ZFPM2: variants seen among roughly 807,000 people sequenced by gnomAD.
ZFPM2 encodes the protein zinc finger protein ZFPM2.
Under a neutral mutation model 98.6 loss-of-function variants are expected in ZFPM2, and 20 were observed. The ratio of observed to expected loss-of-function variants is 0.20; its 90% CI spans 0.14 to 0.29. ZFPM2 has a LOEUF of 0.29. ZFPM2 is among the 10% of genes least tolerant of loss of function. The pLI, the probability that ZFPM2 is intolerant of heterozygous loss-of-function variation, is 1.00. For missense variants in ZFPM2, 1,310 were observed against 1,388.6 expected (o/e 0.94, Z 0.90); for synonymous variants, 518 against 502.7 (o/e 1.03, Z -0.41).
rs1346572505 is a variant in ZFPM2, at chr8:105,530,672, C to T, written c.302-30691C>T. 5.3e-5 allele frequency among the ~76,000 whole-genome samples: 8 copies of T among 152,148 alleles called. No individual in the cohort carries two copies. The Middle Eastern group carries it at 9.5e-3, about 181-fold the overall frequency. On this transcript the variant is annotated intron_variant, in intron 3 of 7. Transcript: ENST00000407775. ...ACAAATCTTATTGGATTAGGGTCTA[C>T]CCTTATGACCTCATTTAACCTTATT...
chr8:105,488,888 T>G (rs1813292119), intron 3 of ZFPM2, among the ~76,000 whole-genome samples: 1 of 152,212 alleles, frequency 6.6e-6, no homozygotes, highest in African/African-American at 2.4e-5. Context: ...AGCCATTTTC[T>G]CTCTTAAGGA....
At chr8:105,392,498 C>G (rs529221974) in intron 1 of ZFPM2, among the ~76,000 whole-genome samples, 1 of 152,142 alleles carries the variant, frequency 6.6e-6, no homozygotes. Flanking sequence ...TGTCACCTTC[C>G]TTTGTCTAGT....
chr8:105,674,487 T>C (rs1817651907), intron 5 of ZFPM2, among the ~76,000 whole-genome samples: 1 of 152,194 alleles, frequency 6.6e-6, no homozygotes, highest in African/African-American at 2.4e-5. Flanking sequence ...CAAGTCTTGT[T>C]TTTAGTGGTA....
At chr8:105,404,697 C>A (rs900728174) in intron 1 of ZFPM2, among the ~76,000 whole-genome samples, 3 of 152,038 alleles carry the variant, frequency 2.0e-5, no homozygotes, top group Non-Finnish European at 4.4e-5. Flanking sequence ...TTATTCTCCA[C>A]TTCACATATT....
chr8:105,462,527 T>A (rs1275132928), intron 3 of ZFPM2, among the ~76,000 whole-genome samples: 1 of 152,158 alleles, frequency 6.6e-6, no homozygotes, highest in Admixed American at 6.6e-5. Context: ...CAAATTCTGC[T>A]GCTCCATTCC....
intron 5 of ZFPM2, chr8:105,678,488 T>C (rs1250832903): frequency 6.6e-6 from 1 of 152,206 alleles, no homozygotes; most frequent in Non-Finnish European, 1.5e-5. Context: ...AGAAATGGCC[T>C]TTATGCCTCC....
intron 5 of ZFPM2, among the ~76,000 whole-genome samples, chr8:105,686,541 A>G (rs1288732298): frequency 1.3e-5 from 2 of 152,138 alleles, no homozygotes; most frequent in Non-Finnish European, 2.9e-5. Context: ...TGTTTGAAAC[A>G]TATGTAGGAA....
intron 1 of ZFPM2, among the ~76,000 whole-genome samples, chr8:105,356,196 T>C (rs1382579802): frequency 6.6e-6 from 1 of 152,238 alleles, no homozygotes. Flanking sequence ...GCAGTTTTGT[T>C]ATTGTTCGAG....
intron 5 of ZFPM2, among the ~76,000 whole-genome samples, chr8:105,715,493 T>G (rs993150763): frequency 1.3e-5 from 2 of 151,936 alleles, no homozygotes; most frequent in African/African-American, 4.8e-5. Context: ...CTATATGGAT[T>G]TTAATATTGT....
rs568201027 is a variant in ZFPM2 at position 105,419,999 on chromosome 8, T to C, written c.199+697T>C. 1.3e-4 allele frequency among the ~76,000 whole-genome samples: 20 copies of C among 152,210 alleles called. No homozygotes were observed. The South Asian group carries it at 2.9e-3, about 22-fold the overall frequency. The stretch of plus-strand genomic sequence containing the variant: ...AGTTTAAGGTTCCTCATGATTCTTA[T>C]ATATTTATTTTTATCAGATTGTTTT... On this transcript the variant is annotated intron_variant, in intron 2 of 7. Coordinates refer to ENST00000407775, the MANE Select transcript of ZFPM2 (RefSeq NM_012082.4).
At chr8:105,751,948 C>T (rs911773938) in intron 5 of ZFPM2, among the ~76,000 whole-genome samples, 2 of 152,036 alleles carry the variant, frequency 1.3e-5, no homozygotes, top group Non-Finnish European at 2.9e-5. Context: ...TAGCATTAGT[C>T]GAATCCATAT....
chr8:105,700,832 G>A (rs768473477), intron 5 of ZFPM2, among the ~76,000 whole-genome samples: 1 of 152,156 alleles, frequency 6.6e-6, no homozygotes, highest in Non-Finnish European at 1.5e-5. Flanking sequence ...CTGACCTCAT[G>A]ATCCAGCCAC....
intron 5 of ZFPM2, among the ~76,000 whole-genome samples, chr8:105,649,829 G>T (rs576788155): frequency 6.6e-6 from 1 of 152,248 alleles, no homozygotes; most frequent in East Asian, 1.9e-4. Flanking sequence ...CAAGGATATT[G>T]GTCTAAAATT....
chr8:105,384,931 C>G (rs939316333), intron 1 of ZFPM2, among the ~76,000 whole-genome samples: 1 of 152,120 alleles, frequency 6.6e-6, no homozygotes, highest in African/African-American at 2.4e-5. Flanking sequence ...CTACCCTAAG[C>G]ACTTTATGTG....
intron 6 of ZFPM2, among the ~76,000 whole-genome samples, chr8:105,791,510 T>A (rs1386105160): frequency 6.6e-6 from 1 of 151,888 alleles, no homozygotes; most frequent in Non-Finnish European, 1.5e-5. Context: ...TATTGAGGAT[T>A]TTTGCATCAA....
chr8:105,542,047 C>A (rs750466111), intron 3 of ZFPM2, among the ~76,000 whole-genome samples: 10 of 151,998 alleles, frequency 6.6e-5, no homozygotes, highest in Non-Finnish European at 1.0e-4. Flanking sequence ...ATTACTTTTT[C>A]AGGCTCAGCA....
intron 3 of ZFPM2, among the ~76,000 whole-genome samples, chr8:105,483,067 C>T (rs1418891215): frequency 2.5e-5 from 3 of 122,428 alleles, no homozygotes; most frequent in Non-Finnish European, 3.3e-5. Context: ...TGCTATGTTG[C>T]CCAGGCTGGT....
chr8:105,790,913 A>G (rs976968319), intron 6 of ZFPM2, among the ~76,000 whole-genome samples: 10 of 152,146 alleles, frequency 6.6e-5, no homozygotes, highest in Non-Finnish European at 1.3e-4. Flanking sequence ...GTGTATAAGA[A>G]TGCTTGTGAT....
chr8:105,487,611 G>T (rs150753954), intron 3 of ZFPM2, among the ~76,000 whole-genome samples: 2 of 152,208 alleles, frequency 1.3e-5, no homozygotes, highest in African/African-American at 4.8e-5. Flanking sequence ...TAATGGACAT[G>T]AATGTGTTCC....
Sources: gnomAD v4.1 joint callset for allele counts (sites outside exome capture counted in the v4.1 genomes callset) on GRCh38, gnomAD v4.1.1 for gene constraint, MANE v1.5 for transcripts, NCBI Gene and HGNC (gene_info 2026-07-23, HGNC 2026-07-21) for gene names.